The following KDM4C variants were observed in gnomAD, a reference collection of about 807,000 sequenced individuals.
The protein encoded by KDM4C is lysine-specific demethylase 4C.
KDM4C carries 81 observed loss-of-function variants against 129.3 expected under a neutral mutation model. That is an observed-to-expected ratio of 0.63 (90% CI 0.52 to 0.75). KDM4C has a LOEUF of 0.75. Ranked by LOEUF, KDM4C falls within the 30% of genes least tolerant of loss-of-function variation. The pLI, the probability that KDM4C is intolerant of heterozygous loss-of-function variation, is 0.00. For synonymous variants in KDM4C, 573 were observed against 456.1 expected (o/e 1.26, Z -3.26); for missense variants, 1,457 against 1,304.0 (o/e 1.12, Z -1.81).
chr9:7,170,404 TAAAC>T, intron 21 of KDM4C: 3 of 993,614 alleles, frequency 3.0e-6, no homozygotes, highest in Non-Finnish European at 3.6e-6. Context: ...ATAAAAGGGA[TAAAC>T]AAAGCCTAAA....
At chr9:7,132,796 T>G (rs976122381) in intron 19 of KDM4C, among the ~76,000 whole-genome samples, 17 of 152,176 alleles carry the variant, frequency 1.1e-4, no homozygotes, top group African/African-American at 3.9e-4. Context: ...CTCTGAACTT[T>G]GAGCTCACTT....
At chr9:7,169,256 A>G (rs2130482669) in intron 20 of KDM4C, among the ~76,000 whole-genome samples, 1 of 152,218 alleles carries the variant, frequency 6.6e-6, no homozygotes, top group Admixed American at 6.5e-5. Flanking sequence ...CGCCAGATAA[A>G]GTTTTCATAT....
chr9:6,843,292 C>T (rs1305482719), intron 4 of KDM4C, among the ~76,000 whole-genome samples: 1 of 152,218 alleles, frequency 6.6e-6, no homozygotes, highest in Non-Finnish European at 1.5e-5. Context: ...GGCTGTGAAT[C>T]CGTCGAGGTG....
At chr9:7,025,072 A>G (rs976219323) in intron 15 of KDM4C, among the ~76,000 whole-genome samples, 30 of 152,248 alleles carry the variant, frequency 2.0e-4, no homozygotes, top group Non-Finnish European at 3.4e-4. Context: ...TATGATTGTT[A>G]TATTCTCTTG....
intron 1 of KDM4C, among the ~76,000 whole-genome samples, chr9:6,780,768 C>CAAAAAAAA (rs34457968): frequency 3.1e-5 from 1 of 32,154 alleles, no homozygotes; most frequent in Non-Finnish European, 5.1e-5. Flanking sequence ...AACTCCCTCT[C>CAAAAAAAA]AAAAAAAAAA....
chr9:6,810,121 T>G (rs1030756672), intron 3 of KDM4C, among the ~76,000 whole-genome samples: 10 of 152,364 alleles, frequency 6.6e-5, no homozygotes, highest in African/African-American at 2.2e-4. Flanking sequence ...TCTCTTGTTA[T>G]AAAGAAACTT....
At chr9:6,844,248 A>G (rs1241247652) in intron 4 of KDM4C, among the ~76,000 whole-genome samples, 4 of 152,030 alleles carry the variant, frequency 2.6e-5, no homozygotes, top group East Asian at 1.9e-4. Flanking sequence ...TCATTTACAA[A>G]TATCTTTTGT....
chr9:7,054,306 A>G (rs527469723), intron 17 of KDM4C, among the ~76,000 whole-genome samples: 1 of 152,248 alleles, frequency 6.6e-6, no homozygotes, highest in African/African-American at 2.4e-5. Flanking sequence ...TTTATTCAGA[A>G]TTTTTTCCTT....
intron 4 of KDM4C, among the ~76,000 whole-genome samples, chr9:6,820,798 G>C (rs559819599): frequency 6.7e-6 from 1 of 148,998 alleles, no homozygotes; most frequent in African/African-American, 2.5e-5. Context: ...GTATACATGT[G>C]CCATGTTGGT....
chr9:6,805,624 C>A lies in KDM4C; in HGVS notation c.170C>A (p.Pro57Gln), dbSNP rs1448423036. 1 of 1,611,992 alleles carries A rather than the reference C, an allele frequency of 6.2e-7. No individual in the cohort carries two copies. The highest frequency in any genetic ancestry group is 2.2e-5 in the East Asian group (1 of 44,846). ...GTGATTCCTCCTAAGGAGTGGAAGCCAAGACAGTGCTATGATGACATTGAT... is the reference window on the plus strand; with the variant it reads ...GTGATTCCTCCTAAGGAGTGGAAGCAAAGACAGTGCTATGATGACATTGAT... ...AKVIPPKEWKPRQCYDDIDNL... is the reference protein window; with the variant it reads ...AKVIPPKEWKQRQCYDDIDNL... Residue 57 changes from proline (P) to glutamine (Q), a missense_variant, in exon 3 of 22, where the codon CCA (proline) becomes CAA (glutamine). Pro to Gln is a moderately conservative substitution (Grantham distance 76). Transcript: ENST00000381309.
At chr9:7,099,895 ATTTTATTTTTTAATTTAATTTAATT>A (rs1836878835) in intron 17 of KDM4C, among the ~76,000 whole-genome samples, 2 of 151,750 alleles carry the variant, frequency 1.3e-5, no homozygotes, top group East Asian at 1.9e-4. Context: ...AATTTTTTCA[ATTTTATTTTTTAATTTAATTTAATT>A]TTTTATTTTT....
In KDM4C at chr9:6,729,982, C is replaced by T. The variant is rs765826020; in HGVS notation, c.49+8985C>T. Among the ~76,000 whole-genome samples, 2 of 133,360 alleles carry T rather than the reference C, an allele frequency of 1.5e-5. 1 individual carries two copies. The highest frequency in any genetic ancestry group is 3.1e-5 in the Non-Finnish European group (2 of 65,272). The allele number at this position is 133,360 out of a possible 152,430, so 87.5% of individuals were successfully genotyped here. ...AAAATTAGCTGGATGCGGTGGTGCA[C>T]GCCTGTAGTCCGAACTACTCTGCAG... On this transcript the variant is annotated intron_variant, in intron 1 of 17. Transcript: ENST00000536108.
At chr9:7,169,647 A>G in intron 20 of KDM4C, 151 bp from the exon 21 acceptor site, 1 of 629,390 alleles carries the variant, frequency 1.6e-6, no homozygotes, top group East Asian at 2.9e-5. Flanking sequence ...TTAATAAGGG[A>G]AATAACTCTT....
At chr9:7,088,854 G>GAA (rs58931891) in intron 17 of KDM4C, among the ~76,000 whole-genome samples, 1 of 148,172 alleles carries the variant, frequency 6.7e-6, no homozygotes, top group African/African-American at 2.5e-5. Context: ...AAAAGAAAAA[G>GAA]AAAAAAAAAA....
At chr9:7,010,860 A>G (rs1300238095) in intron 12 of KDM4C, among the ~76,000 whole-genome samples, 2 of 152,098 alleles carry the variant, frequency 1.3e-5, no homozygotes, top group Non-Finnish European at 2.9e-5. Context: ...CCTGGCCATC[A>G]TGGTGAAACT....
At chr9:6,967,008 G>T (rs1479168054) in intron 8 of KDM4C, among the ~76,000 whole-genome samples, 1 of 152,174 alleles carries the variant, frequency 6.6e-6, no homozygotes, top group Non-Finnish European at 1.5e-5. Flanking sequence ...GCAAGACCCA[G>T]AGGAGGATAA....
At chr9:6,897,566 T>C (rs978233544) in intron 8 of KDM4C, among the ~76,000 whole-genome samples, 1 of 152,058 alleles carries the variant, frequency 6.6e-6, no homozygotes, top group African/African-American at 2.4e-5. Flanking sequence ...CTGAAAAAAA[T>C]TGAGAGTGAT....
chr9:7,159,445 C>G (rs577639231), intron 19 of KDM4C, among the ~76,000 whole-genome samples: 1 of 152,250 alleles, frequency 6.6e-6, no homozygotes, highest in East Asian at 1.9e-4. Flanking sequence ...TTTACAATTT[C>G]TCATGTTTTT....
chr9:6,859,626 G>C (rs544206370), intron 5 of KDM4C, among the ~76,000 whole-genome samples: 1 of 151,474 alleles, frequency 6.6e-6, no homozygotes, highest in Non-Finnish European at 1.5e-5. Flanking sequence ...ACTTTGGGAG[G>C]CCCAGGCGGG....
Sources: allele counts gnomAD v4.1 joint callset (sites outside exome capture counted in the v4.1 genomes callset), GRCh38; gene constraint gnomAD v4.1.1; transcripts MANE v1.5; gene names NCBI Gene and HGNC (gene_info 2026-07-23, HGNC 2026-07-21).